The following PCDHGA9 variants were observed in gnomAD, a reference collection of about 807,000 sequenced individuals.
The protein encoded by PCDHGA9 is protocadherin gamma-A9.
PCDHGA9 carries 37 observed loss-of-function variants against 62.5 expected under a neutral mutation model. The observed-to-expected ratio is 0.59, with a 90% CI of 0.46 to 0.78. The LOEUF (loss-of-function observed/expected upper bound fraction) is 0.78. Ranked by LOEUF, PCDHGA9 falls within the 30% of genes least tolerant of loss-of-function variation. PCDHGA9 has a pLI of 0.00. For missense variants in PCDHGA9, 1,138 were observed against 1,166.2 expected (o/e 0.98, Z 0.35); for synonymous variants, 459 against 484.6 (o/e 0.95, Z 0.69).
In PCDHGA9 at chr5:141,432,285, C is replaced by A; in HGVS notation, c.2424+26909C>A. On this transcript the variant is annotated intron_variant, in intron 1 of 3. Transcript: ENST00000573521. The surrounding 1 kb of genome is among the most constrained non-coding windows in gnomAD (Gnocchi z 6.0). ...CTATCGTCCTACGTGTCCATCAACTCCGACACTGGGGTACTGTATGCGCTG... is the reference window on the plus strand; with the variant it reads ...CTATCGTCCTACGTGTCCATCAACTACGACACTGGGGTACTGTATGCGCTG... The A allele has an allele frequency of 6.2e-7, 1 of 1,614,262 alleles. No homozygotes were observed. The highest frequency in any genetic ancestry group is 8.5e-7 in the Non-Finnish European group (1 of 1,180,052).
chr5:141,450,663 T>C (rs957466690), intron 1 of PCDHGA9, among the ~76,000 whole-genome samples: 1 of 151,652 alleles, frequency 6.6e-6, no homozygotes, highest in Non-Finnish European at 1.5e-5. Flanking sequence ...ATTTTTGTAC[T>C]TTTAGTAGAA....
rs757308340 is a variant in PCDHGA9, at chr5:141,487,575, G to A, written c.2425-7232G>A. ...GCACCTATGGCAGGGGAGCCTGTTC[G>A]CCCAAGCTGCCCACCCTCTGATCTT... On this transcript the variant is annotated intron_variant, in intron 1 of 3. Coordinates refer to ENST00000573521, the MANE Select transcript of PCDHGA9 (RefSeq NM_018921.3). This position sits in a 1 kb window ranked among gnomAD's most constrained non-coding sequence, Gnocchi z 5.0. The A allele has an allele frequency of 3.1e-6, 5 of 1,614,018 alleles. No homozygotes were observed. In the African/African-American group the frequency reaches 4.0e-5, roughly 13 times the overall value.
chr5:141,474,986 A>G (rs1328341214), intron 1 of PCDHGA9, among the ~76,000 whole-genome samples: 1 of 152,238 alleles, frequency 6.6e-6, no homozygotes, highest in Non-Finnish European at 1.5e-5. Context: ...GTTTGGTGAC[A>G]ACAATTCTAA....
chr5:141,435,781 C>T (rs3828680), intron 1 of PCDHGA9, among the ~76,000 whole-genome samples: 81,882 of 151,942 alleles, frequency 0.54, 24,120 homozygotes, highest in African/African-American at 0.79. Flanking sequence ...TGTAAAGGTG[C>T]AGGGAAACAT....
chr5:141,471,893 T>G (rs1289667371), intron 1 of PCDHGA9, among the ~76,000 whole-genome samples: 1 of 152,166 alleles, frequency 6.6e-6, no homozygotes, highest in African/African-American at 2.4e-5. Flanking sequence ...CTAGGAAGAT[T>G]GACTACAGAC....
intron 1 of PCDHGA9, among the ~76,000 whole-genome samples, chr5:141,452,947 G>C (rs2098752833): frequency 6.6e-6 from 1 of 152,144 alleles, no homozygotes; most frequent in Non-Finnish European, 1.5e-5. Flanking sequence ...GCTTGCAATT[G>C]GTTGTCTTTA....
chr5:141,448,705 C>T (rs2098601893), intron 1 of PCDHGA9, among the ~76,000 whole-genome samples: 1 of 152,100 alleles, frequency 6.6e-6, no homozygotes, highest in Non-Finnish European at 1.5e-5. Context: ...CTTTGGGAGG[C>T]CGAGGCGGGA....
At chr5:141,469,312 C>T (rs1387258560) in intron 1 of PCDHGA9, among the ~76,000 whole-genome samples, 2 of 152,064 alleles carry the variant, frequency 1.3e-5, no homozygotes, top group Non-Finnish European at 2.9e-5. Flanking sequence ...CACGATGGCT[C>T]ACGCCTGTAA....
At position 141,405,289 on chromosome 5, in the gene PCDHGA9, C is replaced by G. The variant is rs1206637203; in HGVS notation, c.2337C>G (p.Leu779=). ...CCCAGCCCAACTATGCAGACACACT[C>G]ATCAGCCAGCAGAGCTGTGAGAAAA... The part of the protein sequence containing the change: ...IFPQPNYADT[L]ISQQSCEKNE... Residue 779 remains leucine (L), a synonymous_variant, in exon 1 of 4, where the codon CTC becomes CTG. Coordinates refer to ENST00000573521, the MANE Select transcript of PCDHGA9 (RefSeq NM_018921.3). 28 of 1,614,070 alleles carry G rather than the reference C, an allele frequency of 1.7e-5. No individual in the cohort carries two copies. The highest frequency in any genetic ancestry group is 2.4e-5 in the Non-Finnish European group (28 of 1,180,018).
rs1257075931 is a variant in PCDHGA9 at position 141,404,332 on chromosome 5, C to T, written c.1380C>T (p.Tyr460=). 6.2e-7 allele frequency: 1 copy of T among 1,613,916 alleles called. No individual in the cohort carries two copies. Among genetic ancestry groups the T allele is most frequent in the East Asian group, 2.2e-5 (1 of 44,886 alleles). Reference sequence around the variant, plus strand: ...TCTCTCAAGCCTCCTACTCAGTCTACCTCCCGGAAAACAACGCCAGAGGTA... The same window carrying T: ...TCTCTCAAGCCTCCTACTCAGTCTATCTCCCGGAAAACAACGCCAGAGGTA... ...PAFSQASYSV[Y]LPENNARGTS... is the part of the protein sequence containing the mutation. The change falls in exon 1 of 4, where the codon TAC becomes TAT. Residue 460 remains tyrosine (Y), a synonymous_variant. Coordinates refer to ENST00000573521, the MANE Select transcript of PCDHGA9 (RefSeq NM_018921.3).
chr5:141,430,882 A>G, intron 1 of PCDHGA9: 3 of 1,601,068 alleles, frequency 1.9e-6, no homozygotes, highest in Non-Finnish European at 2.6e-6. Context: ...AGCTGGAGAA[A>G]GGCTCTAGGG....
chr5:141,427,712 C>T, intron 1 of PCDHGA9: 2 of 1,051,468 alleles, frequency 1.9e-6, no homozygotes, highest in African/African-American at 1.6e-5. Context: ...GCGCCTCTGA[C>T]CTGGACCTAG....
rs57426385 is a variant in PCDHGA9 at position 141,415,740 on chromosome 5, G to GTTTTTTTTTTTTTT, written c.2424+10383_2424+10396dup. 1.9e-4 allele frequency: 117 copies of GTTTTTTTTTTTTTT among 625,018 alleles called. 7 individuals are homozygous for GTTTTTTTTTTTTTT. Among genetic ancestry groups the GTTTTTTTTTTTTTT allele is most frequent in the African/African-American group, 5.0e-4 (20 of 39,930 alleles). 38.7% of individuals were successfully genotyped at this position (625,018 alleles called of 1,614,324 possible). A position where few individuals can be genotyped will look rare whatever the true frequency, so the allele number is the denominator to read the frequency against. On this transcript the variant is annotated intron_variant, in intron 1 of 3. Coordinates refer to ENST00000573521, the MANE Select transcript of PCDHGA9 (RefSeq NM_018921.3). ...TGAGTAGAATTTGATGTTTATTAAGGTTTTTTTTTTTTTTTTTTTTTTTTT... is the reference window on the plus strand; with the variant it reads ...TGAGTAGAATTTGATGTTTATTAAGGTTTTTTTTTTTTTTTTTTTTTTTTTTTTTTTTTTTTTTT...
chr5:141,415,953 T>C, intron 1 of PCDHGA9: 3 of 486,080 alleles, frequency 6.2e-6, no homozygotes, highest in Non-Finnish European at 9.4e-6. Context: ...TGGTCACATA[T>C]TGAAACTCCA....
rs913767837 is a variant in PCDHGA9, at chr5:141,491,909, C to T, written c.2425-2898C>T. 8.5e-6 allele frequency: 12 copies of T among 1,403,834 alleles called. No individual in the cohort carries two copies. Among genetic ancestry groups the T allele is most frequent in the Non-Finnish European group, 1.1e-5 (12 of 1,057,326 alleles). 87.0% of individuals were successfully genotyped at this position (1,403,834 alleles called of 1,614,324 possible). A position where few individuals can be genotyped will look rare whatever the true frequency, so the allele number is the denominator to read the frequency against. Reference sequence around the variant, plus strand: ...GGGCTCCGAGCACCGGGGGTGGTGGCGACTGTGGGCGAGGGGAGGTGGGAC... The same window carrying T: ...GGGCTCCGAGCACCGGGGGTGGTGGTGACTGTGGGCGAGGGGAGGTGGGAC... On this transcript the variant is annotated intron_variant, in intron 1 of 3. Transcript: ENST00000573521. The surrounding 1 kb of genome is among the most constrained non-coding windows in gnomAD (Gnocchi z 6.9).
At chr5:141,469,674 A>G (rs532726373) in intron 1 of PCDHGA9, among the ~76,000 whole-genome samples, 23 of 152,380 alleles carry the variant, frequency 1.5e-4, no homozygotes, top group Non-Finnish European at 2.2e-4. Flanking sequence ...TAATAAAACT[A>G]CATATGCATT....
rs564367150 is a variant in PCDHGA9 at position 141,464,990 on chromosome 5, C to T, written c.2425-29817C>T. Among the ~76,000 whole-genome samples, 147 of 152,192 alleles carry T rather than the reference C, an allele frequency of 9.7e-4. 1 individual carries two copies. Among genetic ancestry groups the T allele is most frequent in the African/African-American group, 3.5e-3 (144 of 41,536 alleles). On this transcript the variant is annotated intron_variant, in intron 1 of 3. Transcript: ENST00000573521. ...CTACTGGCTTCAAGTGATCCTCCCA[C>T]CTCAGCCTCCCAAAGTGCTAAGATT...
intron 2 of PCDHGA9, among the ~76,000 whole-genome samples, chr5:141,501,026 G>A (rs1053442173): frequency 7.9e-5 from 12 of 151,608 alleles, no homozygotes; most frequent in Non-Finnish European, 1.5e-4. Flanking sequence ...GCGCCACCAC[G>A]CCCAGCTAAT....
In PCDHGA9 at chr5:141,405,004, G is replaced by A; in HGVS notation, c.2052G>A (p.Leu684=). 6.2e-7 allele frequency: 1 copy of A among 1,613,960 alleles called. No individual in the cohort carries two copies. Among genetic ancestry groups the A allele is most frequent in the South Asian group, 1.1e-5 (1 of 91,082 alleles). The change falls in exon 1 of 4, where the codon CTG becomes CTA. Residue 684 remains leucine (L), a synonymous_variant. Transcript: ENST00000573521. The part of the protein sequence containing the change: ...DLGSLQIPAD[L]EASDLTLYLV... The stretch of plus-strand genomic sequence containing the variant: ...GCAGTCTTCAGATCCCTGCAGACCT[G>A]GAGGCCTCAGACCTTACCCTCTACC...
Sources: gnomAD v4.1 joint callset for allele counts (sites outside exome capture counted in the v4.1 genomes callset) on GRCh38, gnomAD v4.1.1 for gene constraint, Gnocchi (gnomAD v3.1) non-coding constraint, MANE v1.5 for transcripts, NCBI Gene and HGNC (gene_info 2026-07-23, HGNC 2026-07-21) for gene names.